SDK1: variants seen among roughly 807,000 people sequenced by gnomAD.
SDK1 encodes protein sidekick-1.
SDK1 carries 157 observed loss-of-function variants against 245.5 expected under a neutral mutation model. The observed-to-expected ratio is 0.64, with a 90% confidence interval of 0.56 to 0.73. The LOEUF (loss-of-function observed/expected upper bound fraction) is 0.73. Among genes scored for constraint, SDK1 ranks in the 30% least tolerant of loss-of-function variants. SDK1 has a pLI of 0.00. For synonymous variants in SDK1, 1,647 were observed against 1,278.5 expected, an observed-to-expected ratio of 1.29 and a Z score of -6.15; for missense variants, 3,583 against 3,002.3, an observed-to-expected ratio of 1.19 and a Z score of -4.52.
At chr7:3,484,519 G>T (rs1405015801) in intron 1 of SDK1, among the ~76,000 whole-genome samples, 2 of 152,136 alleles carry the variant, frequency 1.3e-5, no homozygotes, top group Non-Finnish European at 2.9e-5. Flanking sequence ...AGTGGATCCT[G>T]GCAGTTCAAA....
intron 30 of SDK1, among the ~76,000 whole-genome samples, chr7:4,150,578 G>A (rs992537415): frequency 4.6e-5 from 7 of 152,198 alleles, no homozygotes; most frequent in East Asian, 1.9e-4. Context: ...CCCAGCCTCC[G>A]TGGCGCCCAG....
rs144251203 is a variant in SDK1, at chr7:4,130,093, C to T, written c.4125C>T (p.Asp1375=). The part of the protein sequence containing the change: ...STPLILERTK[D]DAPGPPVRLV... ...CCCTCATCCTGGAGCGCACCAAAGA[C>T]GATGGTAGGTCCAGGGTTCGCGCCT... Residue 1375 remains aspartate (D), a synonymous_variant, in exon 27 of 45, where the codon GAC becomes GAT. Coordinates refer to ENST00000404826, the MANE Select transcript of SDK1 (RefSeq NM_152744.4). 7.5e-5 allele frequency: 120 copies of T among 1,598,972 alleles called. No homozygotes were observed. In the African/African-American group the frequency reaches 7.6e-4, roughly 10 times the overall value.
intron 32 of SDK1, among the ~76,000 whole-genome samples, chr7:4,171,243 C>T (rs1057005163): frequency 1.3e-5 from 2 of 152,216 alleles, no homozygotes; most frequent in African/African-American, 2.4e-5. Flanking sequence ...GCCTCGGGTA[C>T]ACCGCACCCT....
Position 3,821,428 on chromosome 7 carries a change from G to A in SDK1, c.714-22G>A, listed in dbSNP as rs754740137. 1.2e-5 allele frequency: 20 copies of A among 1,609,624 alleles called. No individual in the cohort carries two copies. The Admixed American group carries it at 3.4e-4, about 27-fold the overall frequency. ...AGTTCCCTGGAGTAGCTTTGACACT[G>A]TCCTCTTCTTTTCTGAAACAGAGCC... is the stretch of plus-strand genomic sequence containing the variant. On this transcript the variant is annotated intron_variant, in intron 4 of 44. Transcript: ENST00000404826.
At chr7:4,240,949 C>G (rs1261156555) in intron 42 of SDK1, among the ~76,000 whole-genome samples, 2 of 152,138 alleles carry the variant, frequency 1.3e-5, no homozygotes, top group African/African-American at 4.8e-5. Flanking sequence ...GGTGGACAGA[C>G]CAGGCCAAGC....
At chr7:3,375,118 G>A (rs10228055) in intron 1 of SDK1, among the ~76,000 whole-genome samples, 74,572 of 151,766 alleles carry the variant, frequency 0.49, 19,622 homozygotes, top group South Asian at 0.63. Flanking sequence ...TGTCTACCAC[G>A]GTTTATCACA....
chr7:3,457,098 C>T (rs1251355284), intron 1 of SDK1, among the ~76,000 whole-genome samples: 1 of 152,108 alleles, frequency 6.6e-6, no homozygotes, highest in African/African-American at 2.4e-5. Context: ...GTTGTCAGTG[C>T]GGTTCTCTGT....
At chr7:4,178,420 G>A (rs1469579341) in intron 34 of SDK1, 65 bp from the exon 35 acceptor site, 2 of 1,202,032 alleles carry the variant, frequency 1.7e-6, no homozygotes, top group Non-Finnish European at 2.5e-6. Flanking sequence ...GTTCATAGGG[G>A]GAACTTTGGA....
intron 1 of SDK1, among the ~76,000 whole-genome samples, chr7:3,574,063 G>T (rs889011736): frequency 2.0e-5 from 3 of 151,760 alleles, no homozygotes; most frequent in Non-Finnish European, 4.4e-5. Context: ...GCTGAGGATA[G>T]ACTTTGCCTC....
chr7:3,808,799 C>G (rs1490275767), intron 4 of SDK1, among the ~76,000 whole-genome samples: 1 of 152,146 alleles, frequency 6.6e-6, no homozygotes, highest in African/African-American at 2.4e-5. Context: ...AAGAACCCAA[C>G]AGATGTTGTT....
chr7:3,608,187 T>A lies in SDK1; in HGVS notation c.299-10893T>A, dbSNP rs182266496. Among the ~76,000 whole-genome samples, 3 of 152,356 alleles carry A rather than the reference T, an allele frequency of 2.0e-5. No individual in the cohort carries two copies. The East Asian group carries it at 5.8e-4, about 29-fold the overall frequency. ...AAAATAGCCTTAAAGTAGTAAAAATTATTAATTCTATTAAGCTTTGACTCA... is the reference window on the plus strand; with the variant it reads ...AAAATAGCCTTAAAGTAGTAAAAATAATTAATTCTATTAAGCTTTGACTCA... On this transcript the variant is annotated intron_variant, in intron 1 of 44. Transcript: ENST00000404826.
chr7:3,703,739 G>GT lies in SDK1; in HGVS notation c.713+61641dup, dbSNP rs1412735845. On this transcript the variant is annotated intron_variant, in intron 4 of 44. Coordinates refer to ENST00000404826, the MANE Select transcript of SDK1 (RefSeq NM_152744.4). The stretch of plus-strand genomic sequence containing the variant: ...TATAATTATTTCAAAGTAAAATACT[G>GT]TTTTTTTCCTTGAAAAAGGAGACTT... 4.6e-5 allele frequency among the ~76,000 whole-genome samples: 7 copies of GT among 152,164 alleles called. No homozygotes were observed. The East Asian group carries it at 7.7e-4, about 17-fold the overall frequency.
In SDK1 at chr7:3,706,805, A is replaced by G. The variant is rs151191027; in HGVS notation, c.713+64700A>G. Among the ~76,000 whole-genome samples, 331 of 152,266 alleles carry G rather than the reference A, an allele frequency of 2.2e-3. 4 individuals are homozygous for G. In the East Asian group the frequency reaches 0.052, roughly 24 times the overall value. The stretch of plus-strand genomic sequence containing the variant: ...TAATCAAGGAGGGTTATATGTTTCC[A>G]GGAATTTATTCATTTCCTCCAGATT... On this transcript the variant is annotated intron_variant, in intron 4 of 44. Transcript: ENST00000404826.
intron 13 of SDK1, among the ~76,000 whole-genome samples, chr7:3,986,550 C>T (rs1425794920): frequency 6.6e-6 from 1 of 152,208 alleles, no homozygotes; most frequent in Non-Finnish European, 1.5e-5. Flanking sequence ...TTGTTGACCA[C>T]GTTTTCTCAA....
intron 4 of SDK1, among the ~76,000 whole-genome samples, chr7:3,694,546 C>A (rs578232450): frequency 8.8e-5 from 13 of 147,140 alleles, no homozygotes; most frequent in Non-Finnish European, 6.0e-5. Flanking sequence ...CTGGCACTTA[C>A]ATTGGTCTGG....
At position 4,078,989 on chromosome 7, in the gene SDK1, G is replaced by A. The variant is rs369038581; in HGVS notation, c.3203-474G>A. Among the ~76,000 whole-genome samples the A allele has an allele frequency of 2.3e-3, 348 of 152,254 alleles. 1 individual carries two copies. The highest frequency in any genetic ancestry group is 0.016 in the South Asian group (78 of 4,814). On this transcript the variant is annotated intron_variant, in intron 21 of 44. Coordinates refer to ENST00000404826, the MANE Select transcript of SDK1 (RefSeq NM_152744.4). ...GCCTGGGAGCAGGCGATCCTGACCGGGTGTCACGCCGCCTGGGAGCAACCC... is the reference window on the plus strand; with the variant it reads ...GCCTGGGAGCAGGCGATCCTGACCGAGTGTCACGCCGCCTGGGAGCAACCC...
intron 4 of SDK1, among the ~76,000 whole-genome samples, chr7:3,799,720 A>AG: frequency 6.6e-6 from 1 of 151,270 alleles, no homozygotes; most frequent in Non-Finnish European, 1.5e-5. Flanking sequence ...AAAAAAAAAA[A>AG]AAATGACCTC....
chr7:3,508,325 TC>T (rs1334112912), intron 1 of SDK1, among the ~76,000 whole-genome samples: 3 of 129,074 alleles, frequency 2.3e-5, no homozygotes, highest in Non-Finnish European at 3.2e-5. Flanking sequence ...TTCTTCTTCT[TC>T]TTTTTTTTTT....
intron 4 of SDK1, among the ~76,000 whole-genome samples, chr7:3,752,495 G>A (rs902521847): frequency 1.3e-5 from 2 of 152,134 alleles, no homozygotes; most frequent in African/African-American, 4.8e-5. Flanking sequence ...TGAGCTTTGG[G>A]AAAAACTTTA....
Sources: allele counts gnomAD v4.1 joint callset (sites outside exome capture counted in the v4.1 genomes callset), GRCh38; gene constraint gnomAD v4.1.1; transcripts MANE v1.5; gene names NCBI Gene and HGNC (gene_info 2026-07-23, HGNC 2026-07-21).